FBXL2: variants seen among roughly 807,000 people sequenced by gnomAD.
FBXL2 encodes F-box/LRR-repeat protein 2.
FBXL2 carries 38 observed loss-of-function variants against 69.2 expected under a neutral mutation model. That is an observed-to-expected ratio of 0.55 (90% CI 0.42 to 0.72). FBXL2 has a LOEUF of 0.72. Among genes scored for constraint, FBXL2 ranks in the 30% least tolerant of loss-of-function variants. The pLI is 0.00. For synonymous variants in FBXL2, 192 were observed against 201.3 expected (o/e 0.95, Z 0.39); for missense variants, 354 against 520.3 (o/e 0.68, Z 3.11).
intron 2 of FBXL2, among the ~76,000 whole-genome samples, chr3:33,333,195 T>C (rs2039307590): frequency 6.6e-6 from 1 of 152,106 alleles, no homozygotes; most frequent in African/African-American, 2.4e-5. Flanking sequence ...ATGGATTAAA[T>C]TGCACACTTT....
At chr3:33,281,558 C>A (rs567902146) in intron 1 of FBXL2, among the ~76,000 whole-genome samples, 10 of 152,178 alleles carry the variant, frequency 6.6e-5, no homozygotes, top group African/African-American at 2.4e-4. Flanking sequence ...GGGTATATAC[C>A]CAGTAATGGA....
intron 1 of FBXL2, among the ~76,000 whole-genome samples, chr3:33,281,641 A>T (rs1232938938): frequency 2.0e-5 from 3 of 152,142 alleles, no homozygotes; most frequent in Non-Finnish European, 4.4e-5. Flanking sequence ...CAATGGTTGA[A>T]CTAGTTTACA....
chr3:33,315,286 C>G lies in FBXL2; in HGVS notation c.65+17561C>G, dbSNP rs1037158397. ...CTCTTATCTTTCTTTTCCTTTCTCT[C>G]TTTCTCTGTTTCTCTCTTTCTCTTT... On this transcript the variant is annotated intron_variant, in intron 2 of 14. Transcript: ENST00000484457. 8.6e-5 allele frequency among the ~76,000 whole-genome samples: 11 copies of G among 127,838 alleles called. No homozygotes were observed. In the South Asian group the frequency reaches 1.2e-3, roughly 14 times the overall value. 83.9% of individuals were successfully genotyped at this position (127,838 alleles called of 152,430 possible). A position where few individuals can be genotyped will look rare whatever the true frequency, so the allele number is the denominator to read the frequency against.
chr3:33,403,653 AATATTTTTC>A (rs1278620115), exon 13 of FBXL2: 1 of 152,028 alleles, frequency 6.6e-6, no homozygotes, highest in Non-Finnish European at 1.5e-5. Flanking sequence ...GGTGAACTTT[AATATTTTTC>A]AGCTCCAGGC....
chr3:33,373,372 T>C lies in FBXL2; in HGVS notation c.455+17T>C, dbSNP rs1373452950. ...GGGGATCAGGTAAGAGTGCCCATTGTTTGTGTCAAGAGAAATACCCAAAGC... is the reference window on the plus strand; with the variant it reads ...GGGGATCAGGTAAGAGTGCCCATTGCTTGTGTCAAGAGAAATACCCAAAGC... On this transcript the variant is annotated intron_variant, in intron 7 of 14. Coordinates refer to ENST00000484457, the MANE Select transcript of FBXL2 (RefSeq NM_012157.5). The C allele has an allele frequency of 2.5e-6, 4 of 1,584,058 alleles. No individual in the cohort carries two copies. Among genetic ancestry groups the C allele is most frequent in the African/African-American group, 1.3e-5 (1 of 74,300 alleles).
Position 33,323,997 on chromosome 3 carries a change from T to C in FBXL2, c.65+26272T>C, listed in dbSNP as rs1283106675. ...TTTCCTGACTTTTTAATGATCGCCA[T>C]TCTAACTGGCGTGAGATAGTATCTC... On this transcript the variant is annotated intron_variant, in intron 2 of 14. Coordinates refer to ENST00000484457, the MANE Select transcript of FBXL2 (RefSeq NM_012157.5). 5.3e-5 allele frequency among the ~76,000 whole-genome samples: 8 copies of C among 152,350 alleles called. 1 individual carries two copies. Among genetic ancestry groups the C allele is most frequent in the African/African-American group, 1.9e-4 (8 of 41,580 alleles).
At chr3:33,307,616 G>A (rs1038728880) in intron 2 of FBXL2, among the ~76,000 whole-genome samples, 1 of 151,864 alleles carries the variant, frequency 6.6e-6, no homozygotes, top group Non-Finnish European at 1.5e-5. Flanking sequence ...TTGTTTGGGG[G>A]AAATATTTGA....
intron 2 of FBXL2, among the ~76,000 whole-genome samples, chr3:33,320,669 C>T (rs1197601860): frequency 2.0e-5 from 3 of 151,712 alleles, no homozygotes; most frequent in Non-Finnish European, 2.9e-5. Context: ...TTAGTAGAGA[C>T]GGGGTTTCAC....
At chr3:33,412,597 AGAC>A in the FBXL2 span, 2 of 638,404 alleles carry the variant, frequency 3.1e-6, no homozygotes. Context: ...AAAAAAAAAA[AGAC>A]ACAAAATCCA....
chr3:33,360,881 T>C (rs2041563508), intron 4 of FBXL2, among the ~76,000 whole-genome samples: 1 of 149,872 alleles, frequency 6.7e-6, no homozygotes, highest in Admixed American at 6.7e-5. Context: ...TGATGACTTT[T>C]CCAACCATAC....
At chr3:33,370,274 C>T (rs771041122) in intron 5 of FBXL2, among the ~76,000 whole-genome samples, 2 of 151,872 alleles carry the variant, frequency 1.3e-5, no homozygotes, top group African/African-American at 4.8e-5. Flanking sequence ...AAAAATTAGC[C>T]GGGCGTGATG....
At chr3:33,317,477 G>T (rs983798386) in intron 2 of FBXL2, 6 of 456,432 alleles carry the variant, frequency 1.3e-5, no homozygotes, top group African/African-American at 1.0e-4. Flanking sequence ...CCATATTCAG[G>T]AGCAGGGACA....
chr3:33,357,764 C>T (rs1035198724), intron 2 of FBXL2, among the ~76,000 whole-genome samples: 1 of 152,050 alleles, frequency 6.6e-6, no homozygotes, highest in Non-Finnish European at 1.5e-5. Context: ...CTCCTGACCT[C>T]GTGATCCGCC....
intron 2 of FBXL2, among the ~76,000 whole-genome samples, chr3:33,342,904 T>TTG (rs2040168469): frequency 6.9e-6 from 1 of 145,934 alleles, no homozygotes; most frequent in African/African-American, 2.5e-5. Flanking sequence ...TTTTTTTTTT[T>TTG]TTTTTTTTGG....
chr3:33,309,766 T>C (rs2037026901), intron 2 of FBXL2, among the ~76,000 whole-genome samples: 1 of 152,236 alleles, frequency 6.6e-6, no homozygotes, highest in African/African-American at 2.4e-5. Context: ...TTACATTTTA[T>C]CTTTTGTGTA....
chr3:33,396,785 G>A (rs1207517051), intron 12 of FBXL2: 7 of 632,566 alleles, frequency 1.1e-5, no homozygotes, highest in South Asian at 3.0e-5. Flanking sequence ...AAACCCAGTC[G>A]TCTTCAAGAA....
At chr3:33,385,179 C>T (rs1453938540) in intron 14 of FBXL2, among the ~76,000 whole-genome samples, 1 of 152,126 alleles carries the variant, frequency 6.6e-6, no homozygotes, top group African/African-American at 2.4e-5. Context: ...CTTGATTATG[C>T]TTTAAGTTTA....
chr3:33,337,094 A>G (rs2039647873), intron 2 of FBXL2, among the ~76,000 whole-genome samples: 1 of 151,738 alleles, frequency 6.6e-6, no homozygotes, highest in African/African-American at 2.4e-5. Context: ...AGTCCCAGCT[A>G]CTCGGGAGGC....
intron 2 of FBXL2, among the ~76,000 whole-genome samples, chr3:33,334,910 A>G (rs1446467435): frequency 6.6e-6 from 1 of 151,964 alleles, no homozygotes; most frequent in Non-Finnish European, 1.5e-5. Flanking sequence ...GTGAAACCCC[A>G]TCTGTACCAA....
Sources: gnomAD v4.1 joint callset for allele counts (sites outside exome capture counted in the v4.1 genomes callset) on GRCh38, gnomAD v4.1.1 for gene constraint, MANE v1.5 for transcripts, NCBI Gene and HGNC (gene_info 2026-07-23, HGNC 2026-07-21) for gene names.